Variants in SLC16A1 observed in about 807,000 individuals in gnomAD.
The protein encoded by SLC16A1 is solute carrier family 16 member 1.
A neutral mutation model predicts 32.2 loss-of-function variants in SLC16A1; 11 were observed. The observed-to-expected ratio is 0.34, with a 90% confidence interval of 0.21 to 0.56. SLC16A1 has a LOEUF of 0.56. Ranked by LOEUF, SLC16A1 falls within the 20% of genes least tolerant of loss-of-function variation. SLC16A1 has a pLI of 0.87. For synonymous variants in SLC16A1, 231 were observed against 226.8 expected (o/e 1.02, Z -0.17); for missense variants, 435 against 615.0 (o/e 0.71, Z 3.10).
chr1:112,949,969 T>C (rs1248035430), intron 1 of SLC16A1, among the ~76,000 whole-genome samples: 1 of 152,244 alleles, frequency 6.6e-6, no homozygotes, highest in Non-Finnish European at 1.5e-5. Flanking sequence ...ACACTAATTT[T>C]GAGGTAGTGA....
At chr1:112,938,453 G>GA (rs1233635696) in intron 1 of SLC16A1, among the ~76,000 whole-genome samples, 2 of 152,092 alleles carry the variant, frequency 1.3e-5, no homozygotes, top group African/African-American at 2.4e-5. Flanking sequence ...CCAAAACAAT[G>GA]AAAAAATCAA....
chr1:112,932,747 T>G (rs181528361), intron 1 of SLC16A1, among the ~76,000 whole-genome samples: 1 of 131,758 alleles, frequency 7.6e-6, no homozygotes, highest in East Asian at 2.4e-4. Context: ...TGAGCCGAGA[T>G]CGCGCCATTG....
chr1:112,941,551 G>A (rs535391663), intron 1 of SLC16A1, among the ~76,000 whole-genome samples: 60 of 152,284 alleles, frequency 3.9e-4, no homozygotes, highest in African/African-American at 1.2e-3. Flanking sequence ...CCAAAGTGCT[G>A]GGATTACAGG....
rs1043548255 is a variant in SLC16A1 at position 112,911,942 on chromosome 1, G to C, written c.*1949C>G. The C allele has an allele frequency of 6.6e-6, 1 of 152,166 alleles. No homozygotes were observed. Among genetic ancestry groups the C allele is most frequent in the African/African-American group, 2.4e-5 (1 of 41,424 alleles). 9.4% of individuals were successfully genotyped at this position (152,166 alleles called of 1,614,324 possible). A position where few individuals can be genotyped will look rare whatever the true frequency, so the allele number is the denominator to read the frequency against. On this transcript the variant is annotated 3_prime_UTR_variant, in exon 5 of 5. Coordinates refer to ENST00000369626, the MANE Select transcript of SLC16A1 (RefSeq NM_003051.4). The stretch of plus-strand genomic sequence containing the variant: ...ATCCTCATTTTTATAGAAGGTAAGA[G>C]AGAAGAAGTACGCAGAGGTTACAGA...
At chr1:112,936,291 T>A (rs1310847286) in intron 1 of SLC16A1, among the ~76,000 whole-genome samples, 2 of 151,950 alleles carry the variant, frequency 1.3e-5, no homozygotes, top group Non-Finnish European at 2.9e-5. Context: ...GTGGATCACT[T>A]GAGGTCAGGA....
intron 3 of SLC16A1, 106 bp from the exon 4 acceptor site, chr1:112,918,150 T>G: frequency 3.4e-6 from 3 of 872,240 alleles, no homozygotes; most frequent in Non-Finnish European, 4.4e-6. Flanking sequence ...TCCTCATTAT[T>G]AGAGGACATG....
intron 1 of SLC16A1, among the ~76,000 whole-genome samples, chr1:112,950,183 G>A (rs147446366): frequency 3.9e-5 from 6 of 152,084 alleles, no homozygotes; most frequent in South Asian, 2.1e-4. Context: ...CAGACCCCTC[G>A]AATTCAATAG....
intron 1 of SLC16A1, among the ~76,000 whole-genome samples, chr1:112,931,295 CT>C (rs1557850093): frequency 6.6e-6 from 1 of 152,024 alleles, no homozygotes; most frequent in Non-Finnish European, 1.5e-5. Context: ...CAAGAAACTC[CT>C]AAACAACAGC....
chr1:112,924,102 C>T (rs1332873078), intron 2 of SLC16A1: 1 of 1,337,568 alleles, frequency 7.5e-7, no homozygotes, highest in African/African-American at 1.4e-5. Context: ...AGAGAAGGCC[C>T]TGCAGGCCGC....
intron 1 of SLC16A1, among the ~76,000 whole-genome samples, chr1:112,951,982 T>C (rs772275720): frequency 2.0e-5 from 3 of 152,182 alleles, no homozygotes; most frequent in African/African-American, 4.8e-5. Context: ...AACAGGCTAT[T>C]AGTGTAGTAC....
chr1:112,940,020 C>T (rs1484465334), intron 1 of SLC16A1, among the ~76,000 whole-genome samples: 3 of 147,412 alleles, frequency 2.0e-5, no homozygotes, highest in African/African-American at 7.5e-5. Context: ...TTTGATACTA[C>T]ACCAAAACCT....
chr1:112,932,685 T>G (rs1348039353), intron 1 of SLC16A1, among the ~76,000 whole-genome samples: 1 of 150,012 alleles, frequency 6.7e-6, no homozygotes, highest in Non-Finnish European at 1.5e-5. Context: ...TGCTAGCTAC[T>G]TGGGAGGCTG....
intron 1 of SLC16A1, among the ~76,000 whole-genome samples, chr1:112,931,889 T>C (rs566388433): frequency 2.0e-5 from 3 of 152,126 alleles, no homozygotes; most frequent in Non-Finnish European, 4.4e-5. Context: ...TTATCCTGTA[T>C]GTTAGCAGGT....
intron 1 of SLC16A1, among the ~76,000 whole-genome samples, chr1:112,933,054 TGAGATATGTAC>T (rs373122357): frequency 6.6e-6 from 1 of 152,248 alleles, no homozygotes; most frequent in African/African-American, 2.4e-5. Context: ...AAAAGATGTA[TGAGATATGTAC>T]ACTGAAAACT....
chr1:112,940,075 T>TCTCG (rs1334211093), intron 1 of SLC16A1, among the ~76,000 whole-genome samples: 1 of 145,728 alleles, frequency 6.9e-6, no homozygotes, highest in Non-Finnish European at 1.5e-5. Context: ...AAAGACAGTG[T>TCTCG]CTCGCTGTGT....
chr1:112,949,292 A>G (rs1200731566), intron 1 of SLC16A1, among the ~76,000 whole-genome samples: 2 of 151,432 alleles, frequency 1.3e-5, no homozygotes. Context: ...CAGGTGATCC[A>G]CTCACCTCGG....
rs1215671150 is a variant in SLC16A1 at position 112,913,269 on chromosome 1, G to A, written c.*622C>T. On this transcript the variant is annotated 3_prime_UTR_variant, in exon 5 of 5. Transcript: ENST00000369626. ...GGGGTTGACAAGTACACTGTGTCTA[G>A]AACAGCCAAGATGTTGCCAAAGTTT... The A allele has an allele frequency of 1.3e-5, 2 of 155,832 alleles. No homozygotes were observed. Among genetic ancestry groups the A allele is most frequent in the African/African-American group, 4.8e-5 (2 of 41,456 alleles). The allele number at this position is 155,832 out of a possible 1,614,324, so 9.7% of individuals were successfully genotyped here.
chr1:112,914,847 T>C (rs555674916), intron 4 of SLC16A1, among the ~76,000 whole-genome samples: 3 of 152,230 alleles, frequency 2.0e-5, no homozygotes, highest in Admixed American at 6.5e-5. Flanking sequence ...GTCAAATGAA[T>C]TGATAAATGG....
At chr1:112,919,863 C>T (rs1648657410) in intron 3 of SLC16A1, among the ~76,000 whole-genome samples, 1 of 152,164 alleles carries the variant, frequency 6.6e-6, no homozygotes. Flanking sequence ...ATTGCTTGCC[C>T]AGTTCTTCCC....
Sources: allele counts gnomAD v4.1 joint callset (sites outside exome capture counted in the v4.1 genomes callset), GRCh38; gene constraint gnomAD v4.1.1; transcripts MANE v1.5; gene names NCBI Gene and HGNC (gene_info 2026-07-23, HGNC 2026-07-21).